Variants in NCKAP5 observed in about 807,000 individuals in gnomAD.
NCKAP5 encodes the protein nck-associated protein 5.
Under a neutral mutation model 167.0 loss-of-function variants are expected in NCKAP5, and 92 were observed. The ratio of observed to expected loss-of-function variants is 0.55; its 90% CI spans 0.47 to 0.66. NCKAP5 has a LOEUF of 0.66. NCKAP5 is among the 30% of genes least tolerant of loss of function. The pLI, the probability that NCKAP5 is intolerant of heterozygous loss-of-function variation, is 0.00. For missense variants in NCKAP5, 2,378 were observed against 2,315.0 expected (o/e 1.03, Z -0.56); for synonymous variants, 891 against 877.4 (o/e 1.02, Z -0.27).
At chr2:133,499,965 G>A (rs1682347707) in intron 3 of NCKAP5, among the ~76,000 whole-genome samples, 1 of 151,912 alleles carries the variant, frequency 6.6e-6, no homozygotes, top group Non-Finnish European at 1.5e-5. Flanking sequence ...TATTCACAAG[G>A]ATTTAGAAGA....
intron 3 of NCKAP5, among the ~76,000 whole-genome samples, chr2:133,491,005 C>A (rs1681390153): frequency 6.6e-6 from 1 of 152,164 alleles, no homozygotes; most frequent in African/African-American, 2.4e-5. Context: ...CAGGGAAATG[C>A]TAAGCTGTGG....
chr2:133,131,402 C>T (rs2082598530), intron 5 of NCKAP5, among the ~76,000 whole-genome samples: 1 of 152,164 alleles, frequency 6.6e-6, no homozygotes, highest in South Asian at 2.1e-4. Context: ...ACCATCTTTA[C>T]CACCCTTTAG....
At chr2:132,758,225 T>C (rs1443038731) in intron 16 of NCKAP5, among the ~76,000 whole-genome samples, 2 of 152,150 alleles carry the variant, frequency 1.3e-5, no homozygotes, top group Non-Finnish European at 2.9e-5. Flanking sequence ...CCCTATTTGG[T>C]TTGGTCGCAC....
intron 4 of NCKAP5, among the ~76,000 whole-genome samples, chr2:133,246,685 C>G (rs987766733): frequency 3.9e-5 from 6 of 152,076 alleles, no homozygotes; most frequent in Non-Finnish European, 7.4e-5. Context: ...ATATGCATAC[C>G]GCGTTGAAAA....
intron 4 of NCKAP5, among the ~76,000 whole-genome samples, chr2:133,248,146 G>A (rs1305656520): frequency 1.3e-5 from 2 of 152,176 alleles, no homozygotes; most frequent in Non-Finnish European, 2.9e-5. Flanking sequence ...ATATCAGCTG[G>A]TCACACAACT....
chr2:133,308,750 G>A (rs900229082), intron 3 of NCKAP5, among the ~76,000 whole-genome samples: 13 of 121,648 alleles, frequency 1.1e-4, no homozygotes, highest in African/African-American at 3.2e-4. Context: ...CGCCCAGGCC[G>A]GACTGCGGAC....
At chr2:132,685,539 T>G (rs978503938) in intron 19 of NCKAP5, among the ~76,000 whole-genome samples, 1 of 152,084 alleles carries the variant, frequency 6.6e-6, no homozygotes, top group Non-Finnish European at 1.5e-5. Context: ...CATGAGCAAA[T>G]TAACTCAAGG....
chr2:133,314,250 CA>C (rs1334756776), intron 3 of NCKAP5, among the ~76,000 whole-genome samples: 8 of 152,214 alleles, frequency 5.3e-5, no homozygotes, highest in Admixed American at 5.2e-4. Flanking sequence ...TAATAGATGG[CA>C]AGGCATTTCT....
At chr2:132,899,734 T>C (rs542351000) in intron 8 of NCKAP5, among the ~76,000 whole-genome samples, 1 of 151,994 alleles carries the variant, frequency 6.6e-6, no homozygotes, top group Non-Finnish European at 1.5e-5. Context: ...AAATTAAGCA[T>C]TGTGGTGTCA....
intron 4 of NCKAP5, among the ~76,000 whole-genome samples, chr2:133,278,249 T>C (rs2089808442): frequency 6.6e-6 from 1 of 152,222 alleles, no homozygotes; most frequent in East Asian, 1.9e-4. Context: ...TACAGTTCTG[T>C]AGATTAGAAG....
intron 3 of NCKAP5, among the ~76,000 whole-genome samples, chr2:133,343,652 C>T (rs1451530246): frequency 1.3e-5 from 2 of 152,202 alleles, no homozygotes; most frequent in Non-Finnish European, 2.9e-5. Context: ...TGATTGAATG[C>T]AAACTATGTC....
chr2:133,307,926 C>T (rs1239013416), intron 3 of NCKAP5, among the ~76,000 whole-genome samples: 1 of 150,902 alleles, frequency 6.6e-6, no homozygotes, highest in African/African-American at 2.4e-5. Context: ...AAAGTAATTA[C>T]AAAACAAACA....
chr2:133,470,720 G>A (rs904027607), intron 3 of NCKAP5, among the ~76,000 whole-genome samples: 15 of 152,226 alleles, frequency 9.9e-5, no homozygotes, highest in African/African-American at 3.4e-4. Flanking sequence ...GTGGTGCGCC[G>A]TTTTTTAAGC....
Position 133,032,657 on chromosome 2 carries a change from C to T in NCKAP5, c.342-38418G>A, listed in dbSNP as rs540801148. ...GGGAGTGGTTACAGCAGGTCTCGGG[C>T]GAGACCCAGTGCTGTACTGGCTTCA... On this transcript the variant is annotated intron_variant, in intron 6 of 19. Transcript: ENST00000409261. 4.1e-4 allele frequency among the ~76,000 whole-genome samples: 63 copies of T among 152,220 alleles called. 1 individual carries two copies. Among genetic ancestry groups the T allele is most frequent in the East Asian group, 1.9e-3 (10 of 5,168 alleles).
intron 5 of NCKAP5, among the ~76,000 whole-genome samples, chr2:133,210,984 C>T (rs2086187683): frequency 6.6e-6 from 1 of 150,652 alleles, no homozygotes; most frequent in East Asian, 2.0e-4. Context: ...CACCCATTCC[C>T]CCAACCCTCC....
intron 16 of NCKAP5, among the ~76,000 whole-genome samples, chr2:132,757,397 A>G (rs1286700344): frequency 1.3e-5 from 2 of 152,192 alleles, no homozygotes; most frequent in African/African-American, 2.4e-5. Flanking sequence ...AAGTACCCAG[A>G]TCAGCTCTAC....
intron 16 of NCKAP5, among the ~76,000 whole-genome samples, chr2:132,737,515 G>A (rs1691636373): frequency 6.6e-6 from 1 of 152,138 alleles, no homozygotes; most frequent in Non-Finnish European, 1.5e-5. Flanking sequence ...TGGGATGGTG[G>A]CAGAGAATTT....
At chr2:133,632,730 T>A in the NCKAP5 span, among the ~76,000 whole-genome samples, 1 of 152,164 alleles carries the variant, frequency 6.6e-6, no homozygotes, top group African/African-American at 2.4e-5. Flanking sequence ...ATTTCTTTAA[T>A]CTCTTTTCAA....
intron 16 of NCKAP5, among the ~76,000 whole-genome samples, chr2:132,733,616 T>C (rs1691231589): frequency 6.6e-6 from 1 of 152,228 alleles, no homozygotes; most frequent in African/African-American, 2.4e-5. Flanking sequence ...AAGTATTTAG[T>C]ATATTTATTA....
Sources: gnomAD v4.1 joint callset for allele counts (sites outside exome capture counted in the v4.1 genomes callset) on GRCh38, gnomAD v4.1.1 for gene constraint, MANE v1.5 for transcripts, NCBI Gene and HGNC (gene_info 2026-07-23, HGNC 2026-07-21) for gene names.